SKOR2: variants seen among roughly 807,000 people sequenced by gnomAD.
SKOR2 encodes the protein SKI family transcriptional corepressor 2.
SKOR2 carries 47 observed loss-of-function variants against 69.1 expected under a neutral mutation model. The observed-to-expected ratio is 0.68, with a 90% CI of 0.54 to 0.87. SKOR2 has a LOEUF of 0.87. Ranked by LOEUF, SKOR2 falls within the 40% of genes least tolerant of loss-of-function variation. The pLI, the probability that SKOR2 is intolerant of heterozygous loss-of-function variation, is 0.00. For synonymous variants in SKOR2, 717 were observed against 672.6 expected (o/e 1.07, Z -1.02); for missense variants, 1,404 against 1,472.2 (o/e 0.95, Z 0.76).
At chr18:47,231,023 A>C (rs982122362) in intron 4 of SKOR2, 23 bp from the exon 5 acceptor site, 1 of 1,535,876 alleles carries the variant, frequency 6.5e-7, no homozygotes, top group East Asian at 2.4e-5. Context: ...CAGGAAAAAT[A>C]CTATTAGTTT....
intron 6 of SKOR2, among the ~76,000 whole-genome samples, chr18:47,223,380 T>C (rs1025745668): frequency 6.6e-6 from 1 of 152,184 alleles, no homozygotes; most frequent in Non-Finnish European, 1.5e-5. Flanking sequence ...AGATGATACA[T>C]GCTGTTCCAA....
At chr18:47,245,771 C>T (rs1322723072) in intron 2 of SKOR2, among the ~76,000 whole-genome samples, 1 of 152,020 alleles carries the variant, frequency 6.6e-6, no homozygotes, top group Non-Finnish European at 1.5e-5. Context: ...AGAAGTAATA[C>T]AGATTAATCA....
In SKOR2 at chr18:47,207,192, G is replaced by A. The variant is rs949412377; in HGVS notation, c.*4-300C>T. On this transcript the variant is annotated intron_variant, in intron 8 of 8. Transcript: ENST00000425639. ...GGCAGACAGAATTTCATGCTCTGGT[G>A]CTCTGCTGGTTTTGATTGGATGGCC... Among the ~76,000 whole-genome samples the A allele has an allele frequency of 5.9e-5, 9 of 152,098 alleles. No individual in the cohort carries two copies. The South Asian group carries it at 1.9e-3, about 32-fold the overall frequency.
Position 47,248,208 on chromosome 18 carries a change from C to A in SKOR2, c.976G>T (p.Ala326Ser), listed in dbSNP as rs1476492538. Residue 326 changes from alanine (A) to serine (S), a missense_variant, in exon 2 of 9, where the codon GCC (alanine) becomes TCC (serine). This residue lies in a region of SKOR2 where 1,266 missense variants were observed against 1,309.9 expected (regional missense o/e 0.97). Transcript: ENST00000425639. This position sits in a 1 kb window ranked among gnomAD's most constrained non-coding sequence, Gnocchi z 6.4. ...DSLQEAAVVAAASLSAAAASL... is the reference protein window; with the variant it reads ...DSLQEAAVVASASLSAAAASL... ...GCGGCTGCGGCCGAGAGGCTGGCGG[C>A]GGCCACTACGGCGGCCTCCTGCAAG... 6.1e-5 allele frequency: 75 copies of A among 1,230,690 alleles called. No individual in the cohort carries two copies. The highest frequency in any genetic ancestry group is 7.5e-5 in the Non-Finnish European group (74 of 989,376). 76.2% of individuals were successfully genotyped at this position (1,230,690 alleles called of 1,614,324 possible).
At chr18:47,217,946 G>T (rs1213590302) in intron 7 of SKOR2, among the ~76,000 whole-genome samples, 3 of 152,086 alleles carry the variant, frequency 2.0e-5, no homozygotes, top group African/African-American at 7.2e-5. Context: ...CATTTGTCTA[G>T]ATAGATGAAT....
At chr18:47,231,376 T>C (rs2064197668) in intron 4 of SKOR2, among the ~76,000 whole-genome samples, 1 of 152,074 alleles carries the variant, frequency 6.6e-6, no homozygotes, top group African/African-American at 2.4e-5. Flanking sequence ...CACTGCTCCT[T>C]GAAGGGAGGA....
intron 8 of SKOR2, among the ~76,000 whole-genome samples, chr18:47,209,476 C>G (rs1031845179): frequency 6.6e-6 from 1 of 152,182 alleles, no homozygotes; most frequent in African/African-American, 2.4e-5. Flanking sequence ...ACAATACAGT[C>G]ATGATTCTCT....
At chr18:47,225,678 A>G (rs1354994356) in intron 6 of SKOR2, among the ~76,000 whole-genome samples, 1 of 152,120 alleles carries the variant, frequency 6.6e-6, no homozygotes, top group Non-Finnish European at 1.5e-5. Flanking sequence ...CTACTGCAAG[A>G]GTGGAAAGGC....
rs925785607 is a variant in SKOR2, at chr18:47,246,587, T to C, written c.2597A>G (p.Gln866Arg). The C allele has an allele frequency of 2.0e-6, 3 of 1,520,186 alleles. No individual in the cohort carries two copies. Among genetic ancestry groups the C allele is most frequent in the Non-Finnish European group, 8.8e-7 (1 of 1,140,334 alleles). The allele number at this position is 1,520,186 out of a possible 1,614,324, so 94.2% of individuals were successfully genotyped here. Residue 866 changes from glutamine to arginine, a missense_variant, in exon 2 of 9, where the codon CAG (glutamine) becomes CGG (arginine). By Grantham distance (43) the Gln-to-Arg change is conservative (BLOSUM62 1). Coordinates refer to ENST00000425639, the MANE Select transcript of SKOR2 (RefSeq NM_001278063.4). ...SPVHHPSLEE[Q>R]PSYKDSQKTK... ...GATATTTACATCTTTGTAGGAGGGC[T>C]GCTCCTCCAGTGATGGATGGTGAAC...
intron 4 of SKOR2, 133 bp from the exon 5 acceptor site, chr18:47,231,133 A>G: frequency 6.5e-7 from 1 of 1,536,092 alleles, no homozygotes; most frequent in Non-Finnish European, 8.7e-7. Context: ...TCATAACCAA[A>G]TGTTGTCCTC....
Position 47,246,693 on chromosome 18 carries a change from A to G in SKOR2, c.2491T>C (p.Ser831Pro). The change falls in exon 2 of 9, where the codon TCG becomes CCG. Residue 831 changes from serine (S) to proline (P), a missense_variant. By Grantham distance (74) the Ser-to-Pro change is moderately conservative. Around this residue, in one of 3 missense-constraint regions of SKOR2, gnomAD observed 1,266 missense variants for 1,309.9 expected, o/e 0.97. Transcript: ENST00000425639. ...QEDGKLGDPGSDLPPPPPPPL... is the reference protein window; with the variant it reads ...QEDGKLGDPGPDLPPPPPPPL... ...GGCGGCGGGGGCGGGGGCAGGTCCG[A>G]GCCGGGGTCCCCGAGTTTCCCGTCT... 1 of 1,462,850 alleles carries G rather than the reference A, an allele frequency of 6.8e-7. No individual in the cohort carries two copies. Among genetic ancestry groups the G allele is most frequent in the South Asian group, 1.3e-5 (1 of 75,432 alleles). 90.6% of individuals were successfully genotyped at this position (1,462,850 alleles called of 1,614,324 possible). A position where few individuals can be genotyped will look rare whatever the true frequency, so the allele number is the denominator to read the frequency against.
chr18:47,238,448 G>A (rs759171725), intron 4 of SKOR2, among the ~76,000 whole-genome samples: 4 of 149,784 alleles, frequency 2.7e-5, no homozygotes, highest in African/African-American at 4.9e-5. Flanking sequence ...TCAGCCTCCC[G>A]AGTAGCTGGG....
chr18:47,251,122 G>A (rs1287486837), intron 1 of SKOR2, among the ~76,000 whole-genome samples: 1 of 143,148 alleles, frequency 7.0e-6, no homozygotes, highest in Non-Finnish European at 1.5e-5. Flanking sequence ...ATTATTTTTT[G>A]GGTGGGTGGG....
intron 1 of SKOR2, 124 bp from the exon 2 acceptor site, chr18:47,249,354 G>A (rs2064303013): frequency 1.0e-6 from 1 of 957,904 alleles, no homozygotes; most frequent in Non-Finnish European, 1.5e-6. Flanking sequence ...ATTATTACTG[G>A]AAAAAGTGAC....
intron 6 of SKOR2, among the ~76,000 whole-genome samples, chr18:47,228,288 G>A (rs2064185824): frequency 6.6e-6 from 1 of 152,156 alleles, no homozygotes; most frequent in Non-Finnish European, 1.5e-5. Context: ...ATGAAAAAGA[G>A]GAAAATTTTT....
intron 8 of SKOR2, among the ~76,000 whole-genome samples, chr18:47,208,953 G>A (rs916524399): frequency 6.6e-6 from 1 of 152,292 alleles, no homozygotes; most frequent in East Asian, 1.9e-4. Flanking sequence ...ACTATGCTTA[G>A]GTTGAAGAAA....
intron 8 of SKOR2, among the ~76,000 whole-genome samples, chr18:47,209,894 C>T (rs2064122763): frequency 6.6e-6 from 1 of 152,068 alleles, no homozygotes; most frequent in Admixed American, 6.6e-5. Context: ...GAGCTTGAGA[C>T]CAGCCTGCGA....
intron 8 of SKOR2, among the ~76,000 whole-genome samples, chr18:47,211,755 A>G (rs534386219): frequency 5.3e-5 from 8 of 152,314 alleles, no homozygotes; most frequent in African/African-American, 1.7e-4. Context: ...CCTGAGGATG[A>G]CTGCTGACAC....
At chr18:47,231,257 C>G in intron 4 of SKOR2, 1 of 1,256,254 alleles carries the variant, frequency 8.0e-7, no homozygotes, top group East Asian at 2.5e-5. Context: ...AAGTTATTCC[C>G]TCTCCAACCC....
Sources: allele counts gnomAD v4.1 joint callset (sites outside exome capture counted in the v4.1 genomes callset), GRCh38; gene constraint gnomAD v4.1.1; regional missense constraint gnomAD v4.1.1; non-coding constraint Gnocchi (gnomAD v3.1); transcripts MANE v1.5; gene names NCBI Gene and HGNC (gene_info 2026-07-23, HGNC 2026-07-21).